ZRANB1: variants seen among roughly 807,000 people sequenced by gnomAD.
The protein encoded by ZRANB1 is ubiquitin thioesterase ZRANB1.
ZRANB1 carries 16 observed loss-of-function variants against 80.5 expected under a neutral mutation model. That is an observed-to-expected ratio of 0.20 (90% confidence interval 0.13 to 0.30). The LOEUF (loss-of-function observed/expected upper bound fraction) is 0.30. Ranked by LOEUF, ZRANB1 falls within the 10% of genes least tolerant of loss-of-function variation. The probability of loss-of-function intolerance (pLI) is 1.00; values close to 1 mark genes in which losing one functional copy is unlikely to be tolerated. For synonymous variants in ZRANB1, 291 were observed against 293.1 expected, an observed-to-expected ratio of 0.99 and a Z score of 0.07; for missense variants, 576 against 862.6, an observed-to-expected ratio of 0.67 and a Z score of 4.16.
At chr10:124,928,215 G>A in the ZRANB1 span, among the ~76,000 whole-genome samples, 1 of 152,134 alleles carries the variant, frequency 6.6e-6, no homozygotes, top group Non-Finnish European at 1.5e-5. Flanking sequence ...ATCCTGTTAC[G>A]AGTGAAGGCA....
chr10:124,974,924 A>C (rs77639289), intron 5 of ZRANB1, among the ~76,000 whole-genome samples: 12,399 of 152,186 alleles, frequency 0.081, 697 homozygotes, highest in Admixed American at 0.16. Context: ...CAGCCTCCTG[A>C]GTAGCTAGAA....
the ZRANB1 span, among the ~76,000 whole-genome samples, chr10:124,927,164 C>T: frequency 6.6e-6 from 1 of 152,156 alleles, no homozygotes; most frequent in African/African-American, 2.4e-5. Flanking sequence ...ACCGTGTTAG[C>T]CAGAATGGTC....
intron 6 of ZRANB1, among the ~76,000 whole-genome samples, chr10:124,982,498 C>T (rs898084296): frequency 9.8e-5 from 15 of 152,286 alleles, no homozygotes; most frequent in Middle Eastern, 3.4e-3. Context: ...GTAGGGTTGT[C>T]CCTTAGACTC....
intron 1 of ZRANB1, among the ~76,000 whole-genome samples, chr10:124,966,374 A>ATGGTAAGG (rs1359701503): frequency 6.6e-6 from 1 of 152,062 alleles, no homozygotes; most frequent in Non-Finnish European, 1.5e-5. Context: ...GCCTGCACTG[A>ATGGTAAGG]TGGTAAGGTA....
the ZRANB1 span, among the ~76,000 whole-genome samples, chr10:124,917,894 G>C: frequency 5.7e-4 from 87 of 152,232 alleles, no homozygotes; most frequent in African/African-American, 2.0e-3. Context: ...GTTTGGTGCG[G>C]GTCATTTCAC....
intron 5 of ZRANB1, among the ~76,000 whole-genome samples, chr10:124,979,267 G>T (rs1951911176): frequency 6.6e-6 from 1 of 152,136 alleles, no homozygotes; most frequent in Non-Finnish European, 1.5e-5. Context: ...ATTTTGATTT[G>T]CATTTCCCTA....
chr10:124,948,489 A>G lies in ZRANB1; in HGVS notation c.814+5182A>G, dbSNP rs573094603. 1.5e-3 allele frequency among the ~76,000 whole-genome samples: 218 copies of G among 148,696 alleles called. 2 individuals carry two copies. The highest frequency in any genetic ancestry group is 4.5e-3 in the Admixed American group (67 of 14,894). ...AACTAATCTGTTTTCCACCTTTTCC[A>G]TTTCATTCCAGCCACTCTTGCCACC... On this transcript the variant is annotated intron_variant, in intron 1 of 8. Coordinates refer to ENST00000359653, the MANE Select transcript of ZRANB1 (RefSeq NM_017580.3).
chr10:124,922,492 A>G, the ZRANB1 span, among the ~76,000 whole-genome samples: 25 of 132,138 alleles, frequency 1.9e-4, no homozygotes, highest in African/African-American at 7.0e-4. Context: ...CACCTGGCTA[A>G]TTTTTTTTTT....
Position 124,985,907 on chromosome 10 carries a change from C to G in ZRANB1, c.*915C>G, listed in dbSNP as rs11544131. 2.6e-5 allele frequency: 4 copies of G among 152,144 alleles called. No individual in the cohort carries two copies. Among genetic ancestry groups the G allele is most frequent in the African/African-American group, 9.7e-5 (4 of 41,414 alleles). 9.4% of individuals were successfully genotyped at this position (152,144 alleles called of 1,614,324 possible). On this transcript the variant is annotated 3_prime_UTR_variant, in exon 9 of 9. Transcript: ENST00000359653. ...GGTCTTCGGATTCTTCCTTCTATCA[C>G]CTCTGCTCTAAGCAAATCTTGTTAG...
At chr10:124,959,478 CT>C (rs1482619026) in intron 1 of ZRANB1, among the ~76,000 whole-genome samples, 3 of 151,022 alleles carry the variant, frequency 2.0e-5, no homozygotes, top group African/African-American at 7.3e-5. Flanking sequence ...TTTTTTCCCC[CT>C]GAGATGAGAT....
intron 5 of ZRANB1, among the ~76,000 whole-genome samples, chr10:124,976,048 T>C (rs1310222692): frequency 5.3e-5 from 8 of 152,164 alleles, no homozygotes; most frequent in Admixed American, 5.2e-4. Flanking sequence ...TAACAATTTG[T>C]GGGCACATTA....
intron 5 of ZRANB1, among the ~76,000 whole-genome samples, chr10:124,980,171 G>A (rs1951919951): frequency 6.6e-6 from 1 of 152,134 alleles, no homozygotes; most frequent in Admixed American, 6.5e-5. Flanking sequence ...CATGAACATG[G>A]AATTGAGTTT....
At chr10:124,919,236 T>G in the ZRANB1 span, among the ~76,000 whole-genome samples, 1 of 152,166 alleles carries the variant, frequency 6.6e-6, no homozygotes, top group East Asian at 1.9e-4. Context: ...ATGTAAACTT[T>G]AAATGTGAAT....
In ZRANB1 at chr10:124,986,266, AGAC is replaced by A. The variant is rs1184370411; in HGVS notation, c.*1278_*1280del. ...TATTGATGTGGCCAGGAATTTGGAA[AGAC>A]GACACACGCACGCGCGCGCGCGCAC... On this transcript the variant is annotated 3_prime_UTR_variant, in exon 9 of 9. Coordinates refer to ENST00000359653, the MANE Select transcript of ZRANB1 (RefSeq NM_017580.3). 2.2e-5 allele frequency: 3 copies of A among 138,534 alleles called. No homozygotes were observed. The highest frequency in any genetic ancestry group is 3.1e-5 in the Non-Finnish European group (2 of 63,676). The allele number at this position is 138,534 out of a possible 1,614,324, so 8.6% of individuals were successfully genotyped here.
At chr10:124,981,019 A>T (rs1951927982) in intron 5 of ZRANB1, among the ~76,000 whole-genome samples, 3 of 152,272 alleles carry the variant, frequency 2.0e-5, no homozygotes, top group African/African-American at 4.8e-5. Context: ...TTATAAACAG[A>T]TTAAATGTCT....
rs945553371 is a variant in ZRANB1 at position 124,987,403 on chromosome 10, C to G, written c.*2411C>G. 4 of 151,994 alleles carry G rather than the reference C, an allele frequency of 2.6e-5. 1 individual carries two copies. The South Asian group carries it at 8.3e-4, about 32-fold the overall frequency. 9.4% of individuals were successfully genotyped at this position (151,994 alleles called of 1,614,324 possible). On this transcript the variant is annotated 3_prime_UTR_variant, in exon 9 of 9. Transcript: ENST00000359653. ...AAATTTTTGTTTGGGCGACCAAGAT[C>G]TAATAATTAAAACCCAGGTGGACCA...
chr10:124,985,100 AG>A lies in ZRANB1; in HGVS notation c.*110del. 1.2e-6 allele frequency: 1 copy of A among 855,628 alleles called. No individual in the cohort carries two copies. Among genetic ancestry groups the A allele is most frequent in the Non-Finnish European group, 1.8e-6 (1 of 545,958 alleles). The allele number at this position is 855,628 out of a possible 1,614,324, so 53.0% of individuals were successfully genotyped here. ...CATCATGGAATGAACCAAATCTGGCAGGATCTGCTCGGGGAAGTGTTTTCCT... is the reference window on the plus strand; with the variant it reads ...CATCATGGAATGAACCAAATCTGGCAGATCTGCTCGGGGAAGTGTTTTCCT... On this transcript the variant is annotated 3_prime_UTR_variant, in exon 9 of 9. Coordinates refer to ENST00000359653, the MANE Select transcript of ZRANB1 (RefSeq NM_017580.3).
upstream of ZRANB1, among the ~76,000 whole-genome samples, chr10:124,940,806 A>C (rs562140262): frequency 6.6e-6 from 1 of 151,996 alleles, no homozygotes; most frequent in Non-Finnish European, 1.5e-5. Flanking sequence ...CTGAAACCCT[A>C]TCTCTACTAA....
upstream of ZRANB1, chr10:124,940,451 A>G (rs1951524823): frequency 2.4e-6 from 3 of 1,236,556 alleles, no homozygotes; most frequent in South Asian, 1.3e-5. Flanking sequence ...CTGAGCCAGC[A>G]TGAAGACGGA....
Sources: allele counts gnomAD v4.1 joint callset (sites outside exome capture counted in the v4.1 genomes callset), GRCh38; gene constraint gnomAD v4.1.1; transcripts MANE v1.5; gene names NCBI Gene and HGNC (gene_info 2026-07-23, HGNC 2026-07-21).